Variants in NAV1 observed in about 807,000 individuals in gnomAD.
NAV1 encodes pore membrane and/or filament interacting like protein 3.
A neutral mutation model predicts 175.2 loss-of-function variants in NAV1; 18 were observed. That is an observed-to-expected ratio of 0.10 (90% CI 0.07 to 0.15). The LOEUF is 0.15. NAV1 is among the 10% of genes least tolerant of loss of function. The pLI is 1.00. For missense variants in NAV1, 1,731 were observed against 2,436.6 expected, an observed-to-expected ratio of 0.71 and a Z score of 6.10; for synonymous variants, 897 against 978.7, an observed-to-expected ratio of 0.92 and a Z score of 1.56.
At chr1:201,710,863 T>G (rs1671873746) in intron 1 of NAV1, among the ~76,000 whole-genome samples, 1 of 152,178 alleles carries the variant, frequency 6.6e-6, no homozygotes, top group Non-Finnish European at 1.5e-5. Context: ...TCTGAGTAAC[T>G]CTTGATCACC....
intron 1 of NAV1, among the ~76,000 whole-genome samples, chr1:201,570,035 A>G (rs1666483746): frequency 6.6e-6 from 1 of 152,174 alleles, no homozygotes; most frequent in Non-Finnish European, 1.5e-5. Context: ...GTAAAATACC[A>G]TTTTCATTTT....
chr1:201,618,248 C>G (rs1268866612), upstream of NAV1, among the ~76,000 whole-genome samples: 1 of 152,156 alleles, frequency 6.6e-6, no homozygotes, highest in Non-Finnish European at 1.5e-5. Context: ...CATATTAAAC[C>G]TGCACCCGGG....
chr1:201,659,098 C>T (rs1669513781), intron 1 of NAV1, among the ~76,000 whole-genome samples: 1 of 152,188 alleles, frequency 6.6e-6, no homozygotes, highest in Non-Finnish European at 1.5e-5. Context: ...GAAAACAGTC[C>T]CACAACCCAC....
chr1:201,712,832 G>T, exon 2 of NAV1: 3 of 1,613,586 alleles, frequency 1.9e-6, no homozygotes, highest in Non-Finnish European at 2.5e-6. Context: ...GAGTCCCAGA[G>T]AAAGAGGACA....
At chr1:201,624,095 C>T (rs1668255055) in intron 1 of NAV1, among the ~76,000 whole-genome samples, 1 of 152,178 alleles carries the variant, frequency 6.6e-6, no homozygotes, top group Admixed American at 6.5e-5. Context: ...TACCTTGTAC[C>T]TGTCTGTCTG....
intron 1 of NAV1, among the ~76,000 whole-genome samples, chr1:201,552,913 G>T (rs779940534): frequency 6.6e-6 from 1 of 152,158 alleles, no homozygotes; most frequent in Non-Finnish European, 1.5e-5. Flanking sequence ...TGGACGGGTG[G>T]AAGGGTTATC....
chr1:201,671,953 C>T (rs1260453646), intron 1 of NAV1, among the ~76,000 whole-genome samples: 2 of 152,202 alleles, frequency 1.3e-5, no homozygotes, highest in African/African-American at 4.8e-5. Context: ...TCTCTGCCAT[C>T]CTGATCCTCC....
intron 1 of NAV1, among the ~76,000 whole-genome samples, chr1:201,681,025 A>G (rs1670444474): frequency 6.6e-6 from 1 of 151,816 alleles, no homozygotes; most frequent in Non-Finnish European, 1.5e-5. Flanking sequence ...TCACACCATC[A>G]TCTCCTTCAT....
upstream of NAV1, among the ~76,000 whole-genome samples, chr1:201,621,488 C>T (rs1299191483): frequency 4.0e-5 from 6 of 151,798 alleles, no homozygotes; most frequent in African/African-American, 9.7e-5. Context: ...CGTGCCACCA[C>T]GCCTGGCTAA....
chr1:201,651,245 C>G (rs978577248), intron 1 of NAV1, among the ~76,000 whole-genome samples: 5 of 151,682 alleles, frequency 3.3e-5, no homozygotes, highest in African/African-American at 1.2e-4. Context: ...TTTTCAGGGT[C>G]AAGGCTTTAC....
At chr1:201,547,058 C>T (rs892154676) in intron 1 of NAV1, among the ~76,000 whole-genome samples, 5 of 151,202 alleles carry the variant, frequency 3.3e-5, no homozygotes, top group African/African-American at 4.9e-5. Flanking sequence ...ACGATCTCAG[C>T]TCACCGTAAC....
chr1:201,819,978 C>T, exon 30 of NAV1: 1 of 1,569,186 alleles, frequency 6.4e-7, no homozygotes, highest in East Asian at 2.2e-5. Context: ...ACGCTGGCAT[C>T]AGCTATCTTA....
chr1:201,649,187 G>A lies in NAV1; in HGVS notation c.519G>A (p.Arg173=), dbSNP rs144805135. ...CGCCCAACCTGGGAAAGCCGAGCCG[G>A]ATCCCTCGAGGACCCTATGCGGAGG... The change falls in exon 1 of 30, where the codon CGG becomes CGA. Residue 173 remains arginine, a synonymous_variant. Coordinates refer to ENST00000367296, the Ensembl canonical transcript of NAV1. The A allele has an allele frequency of 6.6e-5, 107 of 1,612,558 alleles. No individual in the cohort carries two copies. The African/African-American group carries it at 1.1e-3, about 17-fold the overall frequency.
At position 201,577,377 on chromosome 1, in the gene NAV1, T is replaced by A. The variant is rs373594980; in HGVS notation, c.-143-11162T>A. On this transcript the variant is annotated intron_variant, in intron 1 of 33. Coordinates refer to the NAV1 transcript ENST00000685211. ...CTAAGAACTCTTTGCCAAAGATTTT[T>A]AAAATATTTTTTCCTCAAAGTTTTA... Among the ~76,000 whole-genome samples, 12 of 152,294 alleles carry A rather than the reference T, an allele frequency of 7.9e-5. 1 individual carries two copies. Among genetic ancestry groups the A allele is most frequent in the African/African-American group, 2.4e-4 (10 of 41,570 alleles).
In NAV1 at chr1:201,750,711, G is replaced by T. The variant is rs755214703; in HGVS notation, c.1227-29710G>T. On this transcript the variant is annotated intron_variant, in intron 3 of 29. Coordinates refer to ENST00000367296, the Ensembl canonical transcript of NAV1. This position sits in a 1 kb window ranked among gnomAD's most constrained non-coding sequence, Gnocchi z 4.1. ...TTATATTTACTCACACCTACCACTTGGTTGATGCCCAGAGGGGCTGTCACC... is the reference window on the plus strand; with the variant it reads ...TTATATTTACTCACACCTACCACTTTGTTGATGCCCAGAGGGGCTGTCACC... Among the ~76,000 whole-genome samples, 10 of 151,962 alleles carry T rather than the reference G, an allele frequency of 6.6e-5. No homozygotes were observed. Among genetic ancestry groups the T allele is most frequent in the Non-Finnish European group, 1.2e-4 (8 of 67,990 alleles).
intron 22 of NAV1, 34 bp downstream of exon 26, chr1:201,809,571 A>C: frequency 1.9e-6 from 3 of 1,589,804 alleles, no homozygotes; most frequent in Non-Finnish European, 2.6e-6. Flanking sequence ...AAGGTTGTTC[A>C]TCCTCTCGTG....
exon 7 of NAV1, chr1:201,783,561 C>T (rs760902432): frequency 6.2e-7 from 1 of 1,614,188 alleles, no homozygotes. Flanking sequence ...GGCCCTCTCC[C>T]TTCCTGCTTC....
chr1:201,576,295 A>T (rs1166375367), intron 1 of NAV1, among the ~76,000 whole-genome samples: 1 of 152,222 alleles, frequency 6.6e-6, no homozygotes, highest in Non-Finnish European at 1.5e-5. Context: ...TTTTTCACTT[A>T]GCATAATTCT....
chr1:201,709,610 C>T (rs1430147095), intron 1 of NAV1, among the ~76,000 whole-genome samples: 5 of 152,188 alleles, frequency 3.3e-5, no homozygotes, highest in African/African-American at 1.2e-4. Context: ...CAGACCCACC[C>T]TGGGCTGAGC....
Sources: gnomAD v4.1 joint callset for allele counts (sites outside exome capture counted in the v4.1 genomes callset) on GRCh38, gnomAD v4.1.1 for gene constraint, Gnocchi (gnomAD v3.1) non-coding constraint, MANE v1.5 for transcripts, NCBI Gene and HGNC (gene_info 2026-07-23, HGNC 2026-07-21) for gene names.